INPP5J: variants seen among roughly 807,000 people sequenced by gnomAD.
The protein encoded by INPP5J is inositol polyphosphate-5-phosphatase J, also known as phosphatidylinositol 4,5-bisphosphate 5-phosphatase A.
In INPP5J, 75 loss-of-function variants were observed where a neutral mutation model predicts 86.6. The ratio of observed to expected loss-of-function variants is 0.87; its 90% CI spans 0.72 to 1.05. The LOEUF (loss-of-function observed/expected upper bound fraction) is 1.05, where lower values mean the gene tolerates loss of function less well. Ranked by LOEUF, INPP5J falls within the 50% of genes least tolerant of loss-of-function variation. The pLI, the probability that INPP5J is intolerant of heterozygous loss-of-function variation, is 0.00. For synonymous variants in INPP5J, 540 were observed against 550.0 expected (o/e 0.98, Z 0.25); for missense variants, 1,229 against 1,341.2 (o/e 0.92, Z 1.31).
chr22:31,124,190 C>T, intron 1 of INPP5J: 1 of 912,540 alleles, frequency 1.1e-6, no homozygotes, highest in Non-Finnish European at 1.3e-6. Context: ...TAAGGTCACA[C>T]AGAGCTGGGC....
chr22:31,123,038 C>T lies in INPP5J; in HGVS notation c.24C>T (p.Gly8=), dbSNP rs1304756025. MEGQSSR[G]SRRPGTRAGL... ...ACATGGAGGGCCAGAGCAGCAGGGG[C>T]AGCAGGAGGCCAGGGACCCGGGCTG... The change falls in exon 1 of 13, where the codon GGC becomes GGT. Residue 8 remains glycine (G), a synonymous_variant. Coordinates refer to ENST00000331075, the MANE Select transcript of INPP5J (RefSeq NM_001284285.2). The T allele has an allele frequency of 4.1e-6, 6 of 1,474,082 alleles. No homozygotes were observed. The South Asian group carries it at 6.8e-5, about 17-fold the overall frequency. The allele number at this position is 1,474,082 out of a possible 1,614,324, so 91.3% of individuals were successfully genotyped here.
At position 31,126,953 on chromosome 22, in the gene INPP5J, G is replaced by A. The variant is rs753946696; in HGVS notation, c.1527G>A (p.Leu509=). ...CGGTGAGGATGCAGGGTGTCATCCT[G>A]CTGCTGTTCGCCAAGTACTACCACC... The part of the protein sequence containing the change: ...VSSVRMQGVI[L]LLFAKYYHLP... Residue 509 remains leucine, a synonymous_variant, in exon 5 of 13, where the codon CTG becomes CTA. Coordinates refer to ENST00000331075, the MANE Select transcript of INPP5J (RefSeq NM_001284285.2). 1.2e-6 allele frequency: 2 copies of A among 1,610,648 alleles called. No homozygotes were observed. The highest frequency in any genetic ancestry group is 1.7e-6 in the Non-Finnish European group (2 of 1,178,470).
In INPP5J at chr22:31,127,853, G is replaced by C; in HGVS notation, c.1788-98G>C. ...CCACTCACTACATCCCCTCGGGTTG[G>C]ATGGGCTGGAAGGATCTGGGCTGAG... On this transcript the variant is annotated intron_variant, in intron 6 of 12. Coordinates refer to ENST00000331075, the MANE Select transcript of INPP5J (RefSeq NM_001284285.2). 5 of 764,838 alleles carry C rather than the reference G, an allele frequency of 6.5e-6. No homozygotes were observed. In the South Asian group the frequency reaches 8.1e-5, roughly 12 times the overall value. 47.4% of individuals were successfully genotyped at this position (764,838 alleles called of 1,614,324 possible).
intron 4 of INPP5J, 40 bp from the exon 5 acceptor site, chr22:31,126,881 G>A (rs1389395331): frequency 3.3e-6 from 5 of 1,501,690 alleles, no homozygotes; most frequent in Non-Finnish European, 3.7e-6. Flanking sequence ...GGGCGGGGGA[G>A]TTGTGTTCTG....
At position 31,125,620 on chromosome 22, in the gene INPP5J, A is replaced by G; in HGVS notation, c.881A>G (p.Asp294Gly). Residue 294 changes from aspartate to glycine, a missense_variant, in exon 2 of 13, where the codon GAT (aspartate) becomes GGT (glycine). By Grantham distance (94) the Asp-to-Gly change is moderately conservative. Transcript: ENST00000331075. ...GAGGCCCTCCACAGCAGCCCTGAGG[A>G]TCCTGTTTTGCCACGGCCACCCCAG... Reference protein sequence around the residue: ...RPEALHSSPEDPVLPRPPQTL... With the variant: ...RPEALHSSPEGPVLPRPPQTL... 1 of 1,549,920 alleles carries G rather than the reference A, an allele frequency of 6.5e-7. No homozygotes were observed. Among genetic ancestry groups the G allele is most frequent in the Non-Finnish European group, 8.7e-7 (1 of 1,146,808 alleles).
At chr22:31,123,266 C>T (rs1921036661) in intron 1 of INPP5J, 147 bp downstream of exon 1, 2 of 533,698 alleles carry the variant, frequency 3.7e-6, no homozygotes, top group South Asian at 6.7e-5. Context: ...GTGAAGAGAG[C>T]ACCCTGGGGG....
chr22:31,126,188 G>T, intron 2 of INPP5J, 178 bp downstream of exon 2: 1 of 796,098 alleles, frequency 1.3e-6, no homozygotes, highest in Non-Finnish European at 1.9e-6. Context: ...TAAGGAACTT[G>T]CCGCCTCTCA....
At chr22:31,132,799 A>AGAGGCTGAGGAAC in intron 9 of INPP5J, among the ~76,000 whole-genome samples, 1 of 152,028 alleles carries the variant, frequency 6.6e-6, no homozygotes, top group African/African-American at 2.4e-5. Flanking sequence ...TGGCATTCAG[A>AGAGGCTGAGGAAC]GAGGCTGAGG....
chr22:31,125,972 G>A lies in INPP5J; in HGVS notation c.1233G>A (p.Trp411Ter). The A allele has an allele frequency of 2.5e-6, 4 of 1,600,870 alleles. No homozygotes were observed. The highest frequency in any genetic ancestry group is 3.4e-6 in the Non-Finnish European group (4 of 1,170,744). Residue 411 changes from tryptophan to a stop codon, truncating the protein, a stop_gained, in exon 2 of 13, where the codon TGG becomes TGA. Coordinates refer to ENST00000331075, the MANE Select transcript of INPP5J (RefSeq NM_001284285.2). LOFTEE classifies it high-confidence loss of function. ...SSTSTLSSSP[W>*]SAQPTWKSDP... ...CATCCACCCTGTCATCCTCCCCTTG[G>A]TCAGCTCAGCCTACCTGGAAGAGCG...
At chr22:31,126,217 A>G in intron 2 of INPP5J, 159 bp from the exon 3 acceptor site, 1 of 776,190 alleles carries the variant, frequency 1.3e-6, no homozygotes, top group Non-Finnish European at 2.0e-6. Flanking sequence ...CCCCAGGGAG[A>G]GTGTGGCAGA....
chr22:31,134,553 G>A lies in INPP5J; in HGVS notation c.*134G>A. 1 of 945,708 alleles carries A rather than the reference G, an allele frequency of 1.1e-6. No homozygotes were observed. The highest frequency in any genetic ancestry group is 1.5e-6 in the Non-Finnish European group (1 of 687,882). The allele number at this position is 945,708 out of a possible 1,614,324, so 58.6% of individuals were successfully genotyped here. On this transcript the variant is annotated 3_prime_UTR_variant, in exon 13 of 13. Coordinates refer to ENST00000331075, the MANE Select transcript of INPP5J (RefSeq NM_001284285.2). ...CTGTCCTGGCCAGGGGTGGACAACT[G>A]GGGTCCCCCAAAACTCAGTCCTGGC...
chr22:31,127,716 A>C lies in INPP5J; in HGVS notation c.1787+184A>C, dbSNP rs966358606. On this transcript the variant is annotated intron_variant, in intron 6 of 12. Coordinates refer to ENST00000331075, the MANE Select transcript of INPP5J (RefSeq NM_001284285.2). The stretch of plus-strand genomic sequence containing the variant: ...GGGAGGGGCGGAGCTTGTAGGGTGG[A>C]GCTTTGCTGAGGGGCCCCGCCTTGC... 26 of 722,042 alleles carry C rather than the reference A, an allele frequency of 3.6e-5. 1 individual carries two copies. In the South Asian group the frequency reaches 4.9e-4, roughly 14 times the overall value. The allele number at this position is 722,042 out of a possible 1,614,324, so 44.7% of individuals were successfully genotyped here. A position where few individuals can be genotyped will look rare whatever the true frequency, so the allele number is the denominator to read the frequency against.
intron 9 of INPP5J, among the ~76,000 whole-genome samples, chr22:31,132,252 A>G (rs1455443121): frequency 6.6e-6 from 1 of 152,200 alleles, no homozygotes; most frequent in Admixed American, 6.5e-5. Flanking sequence ...TCCCACGCAG[A>G]GCTCTTCTTG....
intron 9 of INPP5J, among the ~76,000 whole-genome samples, chr22:31,131,634 A>G (rs1402903479): frequency 6.6e-6 from 1 of 151,766 alleles, no homozygotes; most frequent in Non-Finnish European, 1.5e-5. Context: ...TACATATGTC[A>G]TCCTTTTGAA....
rs756093886 is a variant in INPP5J, at chr22:31,128,498, A to G, written c.2037A>G (p.Thr679=). Residue 679 remains threonine, a synonymous_variant, in exon 9 of 13, where the codon ACA becomes ACG. Transcript: ENST00000331075. ...CCAAGAAACGGAAGCCAGCTTGGAC[A>G]GACCGTATCCTATGGAAGGTCAAGG... ...TSAKKRKPAW[T]DRILWKVKAP... 6.2e-7 allele frequency: 1 copy of G among 1,613,570 alleles called. No individual in the cohort carries two copies. The highest frequency in any genetic ancestry group is 1.7e-5 in the Admixed American group (1 of 60,022).
rs996544520 is a variant in INPP5J, at chr22:31,125,266, C to T, written c.527C>T (p.Pro176Leu). Residue 176 changes from proline to leucine, a missense_variant, in exon 2 of 13, where the codon CCC becomes CTC. By Grantham distance (98) the Pro-to-Leu change is moderately conservative (BLOSUM62 -3). Coordinates refer to ENST00000331075, the MANE Select transcript of INPP5J (RefSeq NM_001284285.2). ...QKQEPPASVGPKPTLAASGLS... is the reference protein window; with the variant it reads ...QKQEPPASVGLKPTLAASGLS... Reference sequence around the variant, plus strand: ...CAGGAGCCACCTGCCTCCGTGGGACCCAAGCCAACACTGGCAGCCTCTGGC... The same window carrying T: ...CAGGAGCCACCTGCCTCCGTGGGACTCAAGCCAACACTGGCAGCCTCTGGC... 6.4e-7 allele frequency: 1 copy of T among 1,550,420 alleles called. No individual in the cohort carries two copies. Among genetic ancestry groups the T allele is most frequent in the African/African-American group, 1.4e-5 (1 of 73,034 alleles).
At chr22:31,131,680 C>T (rs1922079502) in intron 9 of INPP5J, among the ~76,000 whole-genome samples, 1 of 152,174 alleles carries the variant, frequency 6.6e-6, no homozygotes, top group Non-Finnish European at 1.5e-5. Context: ...CAGTTTTCCT[C>T]TCTGTTTTAC....
At chr22:31,127,242 CA>C in intron 5 of INPP5J, 114 bp from the exon 6 acceptor site, 1 of 1,013,574 alleles carries the variant, frequency 9.9e-7, no homozygotes, top group Non-Finnish European at 1.4e-6. Context: ...CGTTGTTCCT[CA>C]TTTCTGTAGG....
chr22:31,125,672 T>C lies in INPP5J; in HGVS notation c.933T>C (p.Gly311=), dbSNP rs1355312608. The stretch of plus-strand genomic sequence containing the variant: ...CCTTGCCCTTGGATGTGGGCCAGGG[T>C]CCTTCAGAGCCTGGCACTCACTCCC... The part of the protein sequence containing the change: ...PQTLPLDVGQ[G]PSEPGTHSPG... The change falls in exon 2 of 13, where the codon GGT becomes GGC. Residue 311 remains glycine (G), a synonymous_variant. Transcript: ENST00000331075. The C allele has an allele frequency of 3.9e-6, 6 of 1,550,206 alleles. No homozygotes were observed. The South Asian group carries it at 7.1e-5, about 18-fold the overall frequency.
Sources: gnomAD v4.1 joint callset for allele counts (sites outside exome capture counted in the v4.1 genomes callset) on GRCh38, gnomAD v4.1.1 for gene constraint, MANE v1.5 for transcripts, NCBI Gene and HGNC (gene_info 2026-07-23, HGNC 2026-07-21) for gene names.